The following UQCC1 variants were observed in gnomAD, a reference collection of about 807,000 sequenced individuals.
UQCC1 encodes ubiquinol-cytochrome c reductase complex assembly factor 1.
In UQCC1, 38 loss-of-function variants were observed where a neutral mutation model predicts 48.0. The observed-to-expected ratio is 0.79, with a 90% confidence interval of 0.61 to 1.04. The LOEUF (loss-of-function observed/expected upper bound fraction) is 1.04, where lower values mean the gene tolerates loss of function less well. UQCC1 is among the 50% of genes least tolerant of loss of function. The probability of loss-of-function intolerance (pLI) is 0.00; values close to 1 mark genes in which losing one functional copy is unlikely to be tolerated. For missense variants in UQCC1, 368 were observed against 381.8 expected (o/e 0.96, Z 0.30); for synonymous variants, 111 against 129.2 (o/e 0.86, Z 0.95).
At chr20:35,313,464 G>A (rs966177784) in intron 8 of UQCC1, among the ~76,000 whole-genome samples, 1 of 150,144 alleles carries the variant, frequency 6.7e-6, no homozygotes, top group Admixed American at 6.7e-5. Context: ...AGTGAAAAAA[G>A]CAAGTTGCAG....
At chr20:35,312,709 T>A (rs1396852418) in intron 8 of UQCC1, among the ~76,000 whole-genome samples, 3 of 152,194 alleles carry the variant, frequency 2.0e-5, no homozygotes, top group Non-Finnish European at 4.4e-5. Flanking sequence ...TCTTTCTACA[T>A]GCTTGAAATC....
intron 5 of UQCC1, among the ~76,000 whole-genome samples, chr20:35,369,666 T>A (rs1161074412): frequency 6.6e-6 from 1 of 152,222 alleles, no homozygotes; most frequent in Non-Finnish European, 1.5e-5. Context: ...AAAAACAAGA[T>A]AACTGACCTT....
At chr20:35,364,670 G>C (rs1233504921) in intron 6 of UQCC1, among the ~76,000 whole-genome samples, 1 of 152,194 alleles carries the variant, frequency 6.6e-6, no homozygotes, top group Non-Finnish European at 1.5e-5. Context: ...TGAACTGGGG[G>C]TGGTACACCC....
At chr20:35,338,892 A>AAAAAAT (rs1555805500) in intron 7 of UQCC1, among the ~76,000 whole-genome samples, 3 of 30,558 alleles carry the variant, frequency 9.8e-5, no homozygotes, top group Non-Finnish European at 1.4e-4. Flanking sequence ...AAAAAAAAAA[A>AAAAAAT]ATATATATAT....
At chr20:35,402,615 AATAT>A (rs1158481005) in intron 1 of UQCC1, among the ~76,000 whole-genome samples, 1 of 129,950 alleles carries the variant, frequency 7.7e-6, no homozygotes, top group Non-Finnish European at 1.6e-5. Context: ...AAACAAACAA[AATAT>A]ATATATATAT....
chr20:35,409,809 CTTCT>C (rs1394679780), intron 1 of UQCC1, among the ~76,000 whole-genome samples: 6 of 104,518 alleles, frequency 5.7e-5, no homozygotes, highest in Admixed American at 1.2e-4. Flanking sequence ...TTCAGGAATA[CTTCT>C]TTTTTTTTTT....
chr20:35,397,075 G>A (rs1313399599), intron 1 of UQCC1, among the ~76,000 whole-genome samples: 1 of 151,898 alleles, frequency 6.6e-6, no homozygotes, highest in East Asian at 1.9e-4. Flanking sequence ...GCGTGTACCT[G>A]TAGTCCCAGC....
At chr20:35,406,472 G>T (rs1348462458) in intron 1 of UQCC1, among the ~76,000 whole-genome samples, 2 of 152,140 alleles carry the variant, frequency 1.3e-5, no homozygotes, top group Non-Finnish European at 2.9e-5. Flanking sequence ...GAAAGACAAA[G>T]ATTTTCAAAC....
intron 6 of UQCC1, among the ~76,000 whole-genome samples, chr20:35,364,125 C>A (rs926797322): frequency 6.6e-6 from 1 of 152,196 alleles, no homozygotes; most frequent in African/African-American, 2.4e-5. Context: ...ACTCCATGTT[C>A]TTGTACACAT....
At chr20:35,313,248 C>T (rs2061013854) in intron 8 of UQCC1, among the ~76,000 whole-genome samples, 1 of 151,574 alleles carries the variant, frequency 6.6e-6, no homozygotes, top group Non-Finnish European at 1.5e-5. Flanking sequence ...TGGTGGCAGG[C>T]GCCTGTAGTC....
At chr20:35,327,792 A>G (rs1392962579) in intron 7 of UQCC1, among the ~76,000 whole-genome samples, 1 of 152,176 alleles carries the variant, frequency 6.6e-6, no homozygotes, top group African/African-American at 2.4e-5. Flanking sequence ...ACCTGAGGTC[A>G]GGAGTTTGAG....
At position 35,359,787 on chromosome 20, in the gene UQCC1, T is replaced by C. The variant is rs2061586062; in HGVS notation, c.464+6770A>G. Reference sequence around the variant, plus strand: ...TGAGGCCAAGAAAGCAGAGCCTAGATGGCTACACTCAAGCCCCAGCAGTGT... The same window carrying C: ...TGAGGCCAAGAAAGCAGAGCCTAGACGGCTACACTCAAGCCCCAGCAGTGT... On this transcript the variant is annotated intron_variant, in intron 6 of 9. Transcript: ENST00000374385. 2.0e-5 allele frequency among the ~76,000 whole-genome samples: 3 copies of C among 152,222 alleles called. No homozygotes were observed. The South Asian group carries it at 6.2e-4, about 32-fold the overall frequency.
chr20:35,368,925 C>T (rs2061699049), intron 5 of UQCC1, among the ~76,000 whole-genome samples: 1 of 152,164 alleles, frequency 6.6e-6, no homozygotes, highest in South Asian at 2.1e-4. Context: ...ACAAGAATAG[C>T]CCTGAGAAAC....
At chr20:35,315,770 G>C (rs1320916497) in intron 7 of UQCC1, among the ~76,000 whole-genome samples, 1 of 152,132 alleles carries the variant, frequency 6.6e-6, no homozygotes, top group Non-Finnish European at 1.5e-5. Flanking sequence ...CATGACTGTA[G>C]TCCCGGCTAC....
At chr20:35,349,234 G>A (rs1375812939) in intron 6 of UQCC1, among the ~76,000 whole-genome samples, 1 of 152,198 alleles carries the variant, frequency 6.6e-6, no homozygotes, top group Non-Finnish European at 1.5e-5. Flanking sequence ...AGCTGGGCAG[G>A]AGAACAAATG....
At chr20:35,314,827 A>G in intron 7 of UQCC1, 62 bp from the exon 8 acceptor site, 3 of 1,389,084 alleles carry the variant, frequency 2.2e-6, no homozygotes, top group Non-Finnish European at 3.0e-6. Context: ...CCCAAAAAGT[A>G]TGATCTTTGA....
intron 2 of UQCC1, chr20:35,384,648 T>C (rs1254729835): frequency 5.2e-6 from 2 of 383,690 alleles, no homozygotes; most frequent in African/African-American, 2.5e-5. Flanking sequence ...ACCCTGTCTG[T>C]AAAAAAAAAA....
At chr20:35,350,457 G>C (rs1176176137) in intron 6 of UQCC1, among the ~76,000 whole-genome samples, 3 of 152,110 alleles carry the variant, frequency 2.0e-5, no homozygotes, top group Non-Finnish European at 2.9e-5. Context: ...AGCACTTTGG[G>C]AGGCCAAGGC....
intron 7 of UQCC1, among the ~76,000 whole-genome samples, chr20:35,329,266 G>A (rs1220546429): frequency 6.6e-6 from 1 of 152,154 alleles, no homozygotes; most frequent in Non-Finnish European, 1.5e-5. Flanking sequence ...GAGGCAGGAG[G>A]ACCAGTGAAG....
Sources: allele counts gnomAD v4.1 joint callset (sites outside exome capture counted in the v4.1 genomes callset), GRCh38; gene constraint gnomAD v4.1.1; transcripts MANE v1.5; gene names NCBI Gene and HGNC (gene_info 2026-07-23, HGNC 2026-07-21).